RARS2: variants seen among roughly 807,000 people sequenced by gnomAD.
The protein encoded by RARS2 is probable arginine--tRNA ligase, mitochondrial.
In RARS2, 67 loss-of-function variants were observed where a neutral mutation model predicts 88.5. That is an observed-to-expected ratio of 0.76 (90% CI 0.62 to 0.93). RARS2 has a LOEUF of 0.93. Ranked by LOEUF, RARS2 falls within the 40% of genes least tolerant of loss-of-function variation. The probability of loss-of-function intolerance (pLI) is 0.00; values close to 1 mark genes in which losing one functional copy is unlikely to be tolerated. For missense variants in RARS2, 664 were observed against 684.2 expected, an observed-to-expected ratio of 0.97 and a Z score of 0.33; for synonymous variants, 239 against 230.3, an observed-to-expected ratio of 1.04 and a Z score of -0.34.
intron 1 of RARS2, among the ~76,000 whole-genome samples, chr6:87,587,391 T>C (rs975675659): frequency 2.6e-5 from 4 of 152,182 alleles, no homozygotes; most frequent in Admixed American, 6.5e-5. Context: ...GTATTGAAAA[T>C]ATTATTATTT....
At chr6:87,558,953 CT>C (rs1410913997) in intron 4 of RARS2, among the ~76,000 whole-genome samples, 1 of 152,204 alleles carries the variant, frequency 6.6e-6, no homozygotes, top group Non-Finnish European at 1.5e-5. Flanking sequence ...GTTACTGCCC[CT>C]GAAGACTTTC....
intron 1 of RARS2, among the ~76,000 whole-genome samples, chr6:87,579,931 C>T (rs199506986): frequency 6.6e-6 from 1 of 151,668 alleles, no homozygotes; most frequent in Admixed American, 6.6e-5. Context: ...TTAGTAGAGA[C>T]GGGGTTTCGC....
At chr6:87,566,139 C>T (rs868208877) in intron 2 of RARS2, among the ~76,000 whole-genome samples, 145 of 151,974 alleles carry the variant, frequency 9.5e-4, no homozygotes, top group African/African-American at 3.4e-3. Flanking sequence ...TAGCAAGACC[C>T]AATCTCTAAG....
In RARS2 at chr6:87,548,581, A is replaced by G. The variant is rs1373700408; in HGVS notation, c.451+10T>C. ...AACGTTTAGCATTTTATGTGAAACT[A>G]AACACTTACCTATGATGGTAGAACG... On this transcript the variant is annotated intron_variant, in intron 6 of 19. Coordinates refer to ENST00000369536, the MANE Select transcript of RARS2 (RefSeq NM_020320.5). The G allele has an allele frequency of 1.2e-6, 2 of 1,611,452 alleles. No homozygotes were observed. Among genetic ancestry groups the G allele is most frequent in the Admixed American group, 3.3e-5 (2 of 59,926 alleles).
chr6:87,514,604 AAT>A, intron 19 of RARS2, 105 bp from the exon 20 acceptor site: 1 of 1,031,052 alleles, frequency 9.7e-7, no homozygotes, highest in Non-Finnish European at 1.5e-6. Context: ...AAGCAGGAAC[AAT>A]ATGTCAAAGT....
Position 87,518,645 on chromosome 6 carries a change from T to C in RARS2, c.1400A>G (p.His467Arg). 1 of 1,612,984 alleles carries C rather than the reference T, an allele frequency of 6.2e-7. No homozygotes were observed. The highest frequency in any genetic ancestry group is 8.5e-7 in the Non-Finnish European group (1 of 1,179,216). ...GDTGVFLQYTHARLHSLEETF... is the reference protein window; with the variant it reads ...GDTGVFLQYTRARLHSLEETF... ...CTCTTCTCACCTGTGGAGGCGGGCG[T>C]GTGTGTACTGTAGGAAGACTCCTGT... is the stretch of plus-strand genomic sequence containing the variant. Residue 467 changes from histidine to arginine, a missense_variant, in exon 16 of 20, where the codon CAC (histidine) becomes CGC (arginine). Coordinates refer to ENST00000369536, the MANE Select transcript of RARS2 (RefSeq NM_020320.5).
intron 1 of RARS2, among the ~76,000 whole-genome samples, chr6:87,588,403 T>A (rs907757608): frequency 6.6e-6 from 1 of 152,214 alleles, no homozygotes; most frequent in East Asian, 1.9e-4. Context: ...GGTCTCGCTC[T>A]GTCACCCACC....
At chr6:87,570,263 C>G (rs1334855437) in intron 1 of RARS2, among the ~76,000 whole-genome samples, 1 of 152,124 alleles carries the variant, frequency 6.6e-6, no homozygotes, top group Non-Finnish European at 1.5e-5. Context: ...ACATCAACTC[C>G]CCAAAGTACT....
intron 1 of RARS2, among the ~76,000 whole-genome samples, chr6:87,579,774 T>A (rs1772888691): frequency 8.1e-6 from 1 of 123,990 alleles, no homozygotes; most frequent in African/African-American, 3.2e-5. Flanking sequence ...GTCGCCAGGC[T>A]GGAGTGCAGT....
rs757743894 is a variant in RARS2, at chr6:87,545,676, CTTT to C, written c.472_474del (p.Lys158del). ...CTTATTACTTGATGTCCTAAAGCTT[CTTT>C]GAGATTTGCTATAAAATTTCCTAGT... On this transcript the variant is annotated inframe_deletion, in exon 7 of 20. Transcript: ENST00000369536. The C allele has an allele frequency of 3.4e-4, 545 of 1,613,438 alleles. No individual in the cohort carries two copies. Among genetic ancestry groups the C allele is most frequent in the Non-Finnish European group, 4.4e-4 (519 of 1,179,764 alleles).
chr6:87,579,464 C>T (rs1772697868), intron 1 of RARS2, among the ~76,000 whole-genome samples: 2 of 151,954 alleles, frequency 1.3e-5, no homozygotes, highest in Non-Finnish European at 2.9e-5. Context: ...ACTTCTAGGC[C>T]GATGCCCAAC....
At chr6:87,588,378 ATTTTT>A (rs1775805312) in intron 1 of RARS2, among the ~76,000 whole-genome samples, 1 of 151,804 alleles carries the variant, frequency 6.6e-6, no homozygotes, top group Non-Finnish European at 1.5e-5. Flanking sequence ...TTTTATTTTT[ATTTTT>A]TGTTTACAGG....
rs35014020 is a variant in RARS2, at chr6:87,579,715, G to GTTT, written c.37-10128_37-10126dup. Among the ~76,000 whole-genome samples, 51 of 60,470 alleles carry GTTT rather than the reference G, an allele frequency of 8.4e-4. 5 individuals are homozygous for GTTT. Among genetic ancestry groups the GTTT allele is most frequent in the East Asian group, 2.7e-3 (5 of 1,838 alleles). The allele number at this position is 60,470 out of a possible 152,430, so 39.7% of individuals were successfully genotyped here. On this transcript the variant is annotated intron_variant, in intron 1 of 19. Coordinates refer to ENST00000369536, the MANE Select transcript of RARS2 (RefSeq NM_020320.5). ...TTGAGAGCCACCGAGCATAGAGCAT[G>GTTT]TTTTTTTTTTTTTTTTTTTTTTTTT... is the stretch of plus-strand genomic sequence containing the variant.
chr6:87,519,182 A>ATGTGTGTGTGTGTGTG (rs772148859), intron 14 of RARS2: 93 of 205,290 alleles, frequency 4.5e-4, no homozygotes, highest in African/African-American at 3.5e-3. Context: ...ATATAAATAT[A>ATGTGTGTGTGTGTGTG]TATGTGTGTG....
In RARS2 at chr6:87,564,177, G is replaced by A. The variant is rs1788695199; in HGVS notation, c.166C>T (p.His56Tyr). 3 of 1,613,586 alleles carry A rather than the reference G, an allele frequency of 1.9e-6. No individual in the cohort carries two copies. In the African/African-American group the frequency reaches 4.0e-5, roughly 22 times the overall value. ...VDSLLEKDNDHSRPDIQVQAK... is the reference protein window; with the variant it reads ...VDSLLEKDNDYSRPDIQVQAK... ...TGAACTTGAATATCTGGTCTTGAAT[G>A]GTCATTGTCTTTTTCCAATAAAGAA... Residue 56 changes from histidine (H) to tyrosine (Y), a missense_variant, in exon 3 of 20, where the codon CAT becomes TAT. His to Tyr is a moderately conservative substitution (Grantham distance 83). Transcript: ENST00000369536.
At chr6:87,577,365 G>T (rs536806227) in intron 1 of RARS2, among the ~76,000 whole-genome samples, 81 of 151,990 alleles carry the variant, frequency 5.3e-4, no homozygotes, top group Non-Finnish European at 1.0e-3. Flanking sequence ...CTAATTTTTT[G>T]TATTTTTTTG....
At chr6:87,589,786 G>A (rs933391019) in intron 1 of RARS2, 136 bp downstream of exon 1, 3 of 1,594,156 alleles carry the variant, frequency 1.9e-6, no homozygotes, top group Non-Finnish European at 1.7e-6. Context: ...TCCAGAGAAG[G>A]GGGAGGAGGT....
rs149361191 is a variant in RARS2, at chr6:87,521,517, C to A, written c.982G>T (p.Ala328Ser). 1.2e-5 allele frequency: 20 copies of A among 1,611,992 alleles called. No individual in the cohort carries two copies. The African/African-American group carries it at 1.7e-4, about 14-fold the overall frequency. The change falls in exon 12 of 20, where the codon GCA becomes TCA. Residue 328 changes from alanine (A) to serine (S), a missense_variant. By Grantham distance (99) the Ala-to-Ser change is moderately conservative (BLOSUM62 1). Transcript: ENST00000369536. ...GTSLYATRDL[A>S]AAIDRMDKYN... ...TTGTCCATTCGATCTATAGCAGCTG[C>A]AAGATCTCTGAAACAAAGTGGCCAT...
intron 3 of RARS2, 134 bp from the exon 4 acceptor site, chr6:87,562,919 C>T (rs559972310): frequency 2.1e-5 from 15 of 706,020 alleles, no homozygotes; most frequent in Non-Finnish European, 3.6e-5. Context: ...GGTCCCAGTT[C>T]TCAGGCAATC....
Sources: allele counts gnomAD v4.1 joint callset (sites outside exome capture counted in the v4.1 genomes callset), GRCh38; gene constraint gnomAD v4.1.1; transcripts MANE v1.5; gene names NCBI Gene and HGNC (gene_info 2026-07-23, HGNC 2026-07-21).